The following MSRA variants were observed in gnomAD, a reference collection of about 807,000 sequenced individuals.
MSRA encodes methionine sulfoxide reductase A, also known as mitochondrial peptide methionine sulfoxide reductase.
MSRA carries 54 observed loss-of-function variants against 31.3 expected under a neutral mutation model. That is an observed-to-expected ratio of 1.73 (90% CI 1.39 to 2.17). The LOEUF (loss-of-function observed/expected upper bound fraction) is 2.17, where lower values mean the gene tolerates loss of function less well. Ranked by LOEUF, MSRA falls within the 30% of genes most tolerant of loss-of-function variation. The pLI is 0.00. For synonymous variants in MSRA, 169 were observed against 116.5 expected (o/e 1.45, Z -2.90); for missense variants, 507 against 300.9 (o/e 1.69, Z -5.07).
intron 1 of MSRA, among the ~76,000 whole-genome samples, chr8:10,061,968 G>T (rs1461741020): frequency 1.3e-5 from 2 of 152,214 alleles, no homozygotes; most frequent in Non-Finnish European, 2.9e-5. Flanking sequence ...CGATCTTCAG[G>T]CTCAGGAGTT....
intron 1 of MSRA, among the ~76,000 whole-genome samples, chr8:10,065,175 G>A (rs959765682): frequency 1.8e-4 from 27 of 152,120 alleles, no homozygotes; most frequent in African/African-American, 5.6e-4. Context: ...ACCCCGAGAT[G>A]TGTGCATCAG....
chr8:10,329,921 A>G (rs571344804), intron 5 of MSRA, among the ~76,000 whole-genome samples: 3 of 151,310 alleles, frequency 2.0e-5, no homozygotes, highest in Admixed American at 2.0e-4. Context: ...CTGCTATACT[A>G]CTTCTGAAAT....
chr8:10,363,348 C>T (rs972076162), intron 5 of MSRA, among the ~76,000 whole-genome samples: 14 of 152,140 alleles, frequency 9.2e-5, no homozygotes, highest in African/African-American at 2.9e-4. Flanking sequence ...ACTATTCCTT[C>T]CGTGACTCAC....
At chr8:10,252,057 A>C (rs1445544098) in intron 3 of MSRA, among the ~76,000 whole-genome samples, 1 of 152,362 alleles carries the variant, frequency 6.6e-6, no homozygotes, top group South Asian at 2.1e-4. Context: ...GGCCATTCAC[A>C]GCTTTCAGCT....
chr8:10,066,820 C>T (rs1797476161), intron 1 of MSRA, among the ~76,000 whole-genome samples: 1 of 152,070 alleles, frequency 6.6e-6, no homozygotes, highest in Non-Finnish European at 1.5e-5. Context: ...CAGGTGTGAG[C>T]TGCTGCACCT....
chr8:10,179,393 G>C (rs1279992864), intron 1 of MSRA, among the ~76,000 whole-genome samples: 1 of 152,174 alleles, frequency 6.6e-6, no homozygotes, highest in East Asian at 1.9e-4. Context: ...GGGTGGGACT[G>C]AGCAATCTCC....
At chr8:10,200,208 G>A (rs1772848531) in intron 1 of MSRA, among the ~76,000 whole-genome samples, 2 of 152,196 alleles carry the variant, frequency 1.3e-5, no homozygotes, top group Non-Finnish European at 2.9e-5. Flanking sequence ...GGAGGGCGGG[G>A]TTGACTGCGG....
At chr8:10,226,662 G>A (rs146454480) in intron 2 of MSRA, among the ~76,000 whole-genome samples, 78 of 152,256 alleles carry the variant, frequency 5.1e-4, no homozygotes, top group African/African-American at 1.8e-3. Flanking sequence ...ATGCCTCTTC[G>A]GCAAACTGGG....
rs1388639345 is a variant in MSRA at position 10,054,313 on chromosome 8, C to G, written c.-204C>G. On this transcript the variant is annotated 5_prime_UTR_variant, in exon 1 of 6. Transcript: ENST00000317173. ...CCCTGTCCAGGGAAGGAACACGCCC[C>G]CGGTGACAGCCGGTACGGCCCCGGG... The G allele has an allele frequency of 2.6e-6, 1 of 388,214 alleles. No homozygotes were observed. Among genetic ancestry groups the G allele is most frequent in the Non-Finnish European group, 4.4e-6 (1 of 228,968 alleles). The allele number at this position is 388,214 out of a possible 1,614,324, so 24.0% of individuals were successfully genotyped here.
rs1336017350 is a variant in MSRA, at chr8:10,357,468, G to A, written c.543+37479G>A. Among the ~76,000 whole-genome samples, 3 of 152,122 alleles carry A rather than the reference G, an allele frequency of 2.0e-5. No individual in the cohort carries two copies. The South Asian group carries it at 6.2e-4, about 31-fold the overall frequency. On this transcript the variant is annotated intron_variant, in intron 5 of 5. Transcript: ENST00000317173. ...TCATGGATTTACACACATTTGATGG[G>A]TTTCAGTCCATTGCAATTACTATCT...
At chr8:10,383,541 A>C (rs560456043) in intron 5 of MSRA, among the ~76,000 whole-genome samples, 1 of 151,986 alleles carries the variant, frequency 6.6e-6, no homozygotes, top group Admixed American at 6.5e-5. Flanking sequence ...GCTGCCTGTC[A>C]GTTATTTTTT....
chr8:10,109,719 A>G (rs1800144948), intron 1 of MSRA, among the ~76,000 whole-genome samples: 1 of 152,182 alleles, frequency 6.6e-6, no homozygotes, highest in Non-Finnish European at 1.5e-5. Context: ...AAGAAACTTT[A>G]TTTCTGATAG....
Position 10,104,661 on chromosome 8 carries a change from T to C in MSRA, c.142+50003T>C, listed in dbSNP as rs1297406332. On this transcript the variant is annotated intron_variant, in intron 1 of 5. Transcript: ENST00000317173. ...GGTAGCAGGTTTCAGAGAGAATAGA[T>C]TGTAAATGTTTCTTATCAGACTTAA... is the stretch of plus-strand genomic sequence containing the variant. Among the ~76,000 whole-genome samples, 5 of 152,250 alleles carry C rather than the reference T, an allele frequency of 3.3e-5. No homozygotes were observed. The East Asian group carries it at 9.6e-4, about 29-fold the overall frequency.
At chr8:10,363,575 T>C (rs1436040524) in intron 5 of MSRA, among the ~76,000 whole-genome samples, 1 of 152,240 alleles carries the variant, frequency 6.6e-6, no homozygotes, top group Admixed American at 6.5e-5. Context: ...TAAAGCTCTT[T>C]AGGGCAGGAT....
At chr8:10,348,940 C>A (rs75411333) in intron 5 of MSRA, among the ~76,000 whole-genome samples, 1 of 152,092 alleles carries the variant, frequency 6.6e-6, no homozygotes, top group Non-Finnish European at 1.5e-5. Context: ...CTAAAAAAGC[C>A]TGCCAGCTTG....
chr8:10,382,540 C>G (rs191349082), intron 5 of MSRA, among the ~76,000 whole-genome samples: 12 of 152,318 alleles, frequency 7.9e-5, no homozygotes, highest in Non-Finnish European at 1.2e-4. Context: ...ACACCTGCCT[C>G]TCATTTGGAG....
chr8:10,313,766 T>C (rs1409376969), intron 4 of MSRA, among the ~76,000 whole-genome samples: 2 of 152,236 alleles, frequency 1.3e-5, no homozygotes, highest in Non-Finnish European at 1.5e-5. Flanking sequence ...AGAGGACTTA[T>C]TCTTCCAGAT....
At position 10,427,231 on chromosome 8, in the gene MSRA, C is replaced by T. The variant is rs149042625; in HGVS notation, c.544-917C>T. Among the ~76,000 whole-genome samples the T allele has an allele frequency of 7.9e-5, 12 of 152,228 alleles. No homozygotes were observed. The East Asian group carries it at 2.3e-3, about 29-fold the overall frequency. ...TGAGAGTGGGTTGAGCCTCTGTGGC[C>T]GTGTGCTCACATGCTTCAAGCAGCC... is the stretch of plus-strand genomic sequence containing the variant. On this transcript the variant is annotated intron_variant, in intron 5 of 5. Coordinates refer to ENST00000317173, the MANE Select transcript of MSRA (RefSeq NM_012331.5).
chr8:10,205,166 C>T (rs564221750), intron 1 of MSRA, among the ~76,000 whole-genome samples: 49 of 152,074 alleles, frequency 3.2e-4, no homozygotes, highest in African/African-American at 1.1e-3. Context: ...GATTTTTTTC[C>T]CTTTGGAAAG....
Sources: allele counts gnomAD v4.1 joint callset (sites outside exome capture counted in the v4.1 genomes callset), GRCh38; gene constraint gnomAD v4.1.1; transcripts MANE v1.5; gene names NCBI Gene and HGNC (gene_info 2026-07-23, HGNC 2026-07-21).